The following TMEM132C variants were observed in gnomAD, a reference collection of about 807,000 sequenced individuals.
TMEM132C encodes the protein transmembrane protein 132C.
A neutral mutation model predicts 61.4 loss-of-function variants in TMEM132C; 29 were observed. The observed-to-expected ratio is 0.47, with a 90% CI of 0.35 to 0.64. TMEM132C has a LOEUF of 0.64. Among genes scored for constraint, TMEM132C ranks in the 30% least tolerant of loss-of-function variants. The pLI is 0.00. For synonymous variants in TMEM132C, 656 were observed against 633.1 expected (o/e 1.04, Z -0.54); for missense variants, 1,408 against 1,476.9 (o/e 0.95, Z 0.76).
intron 1 of TMEM132C, among the ~76,000 whole-genome samples, chr12:128,398,783 C>G (rs913622554): frequency 1.4e-4 from 21 of 151,994 alleles, no homozygotes; most frequent in African/African-American, 5.1e-4. Context: ...AGCACCCGGA[C>G]CAACAGGGTG....
chr12:128,351,917 T>C (rs1873348169), intron 1 of TMEM132C, among the ~76,000 whole-genome samples: 1 of 152,170 alleles, frequency 6.6e-6, no homozygotes, highest in South Asian at 2.1e-4. Context: ...TTATAAGGAA[T>C]TGGCTCATGC....
Position 128,358,313 on chromosome 12 carries a change from C to T in TMEM132C, c.86-56419C>T, listed in dbSNP as rs74438109. Among the ~76,000 whole-genome samples, 809 of 152,276 alleles carry T rather than the reference C, an allele frequency of 5.3e-3. 8 individuals are homozygous for T. The highest frequency in any genetic ancestry group is 0.019 in the African/African-American group (771 of 41,546). On this transcript the variant is annotated intron_variant, in intron 1 of 8. Coordinates refer to ENST00000435159, the MANE Select transcript of TMEM132C (RefSeq NM_001136103.3). Reference sequence around the variant, plus strand: ...TTTAAATCTTTAATACCTGCTTATCCTGCTCAAAAATTGGTAAGAACCCAC... The same window carrying T: ...TTTAAATCTTTAATACCTGCTTATCTTGCTCAAAAATTGGTAAGAACCCAC...
chr12:128,335,398 A>G (rs1440964867), intron 1 of TMEM132C, among the ~76,000 whole-genome samples: 9 of 152,210 alleles, frequency 5.9e-5, no homozygotes, highest in Non-Finnish European at 1.3e-4. Context: ...AATGTTTTAC[A>G]TATTGGCATT....
chr12:128,350,248 G>A lies in TMEM132C; in HGVS notation c.86-64484G>A, dbSNP rs529536690. On this transcript the variant is annotated intron_variant, in intron 1 of 8. Coordinates refer to ENST00000435159, the MANE Select transcript of TMEM132C (RefSeq NM_001136103.3). The stretch of plus-strand genomic sequence containing the variant: ...GGGCTGAGGGTACAAGAGAGGGGTA[G>A]CCAGAAATCCCTGCTGCTTTTGCGT... Among the ~76,000 whole-genome samples the A allele has an allele frequency of 7.2e-5, 11 of 152,242 alleles. No homozygotes were observed. In the South Asian group the frequency reaches 1.9e-3, roughly 26 times the overall value.
intron 1 of TMEM132C, among the ~76,000 whole-genome samples, chr12:128,307,322 T>C (rs1240230505): frequency 6.6e-6 from 1 of 151,816 alleles, no homozygotes; most frequent in Non-Finnish European, 1.5e-5. Flanking sequence ...TATACAAATA[T>C]CTCAACTGGA....
At chr12:128,573,177 C>A (rs1172774632) in intron 3 of TMEM132C, among the ~76,000 whole-genome samples, 5 of 152,128 alleles carry the variant, frequency 3.3e-5, no homozygotes, top group African/African-American at 1.2e-4. Flanking sequence ...GCACTACTCA[C>A]AATAGCAAAG....
intron 1 of TMEM132C, among the ~76,000 whole-genome samples, chr12:128,378,721 G>T (rs1874302673): frequency 6.6e-6 from 1 of 152,124 alleles, no homozygotes; most frequent in South Asian, 2.1e-4. Context: ...GCTCTCCTCT[G>T]CTCGGGACAG....
rs1173166978 is a variant in TMEM132C, at chr12:128,524,168, TAGAA to T, written c.975-19786_975-19783del. On this transcript the variant is annotated intron_variant, in intron 2 of 8. Coordinates refer to ENST00000435159, the MANE Select transcript of TMEM132C (RefSeq NM_001136103.3). Reference sequence around the variant, plus strand: ...TTGGCTTAAGGTGGGATTCTGTTATTAGAAAGGAAGAGAGCTATTGTAGAGTCCA... The same window carrying T: ...TTGGCTTAAGGTGGGATTCTGTTATTAGGAAGAGAGCTATTGTAGAGTCCA... Among the ~76,000 whole-genome samples, 6 of 152,288 alleles carry T rather than the reference TAGAA, an allele frequency of 3.9e-5. 1 individual carries two copies. In the East Asian group the frequency reaches 1.2e-3, roughly 29 times the overall value.
At position 128,503,912 on chromosome 12, in the gene TMEM132C, A is replaced by C. The variant is rs142213731; in HGVS notation, c.975-40045A>C. 1.1e-3 allele frequency among the ~76,000 whole-genome samples: 175 copies of C among 152,316 alleles called. 2 individuals carry two copies. Among genetic ancestry groups the C allele is most frequent in the Middle Eastern group, 6.8e-3 (2 of 294 alleles). On this transcript the variant is annotated intron_variant, in intron 2 of 8. Coordinates refer to ENST00000435159, the MANE Select transcript of TMEM132C (RefSeq NM_001136103.3). ...TTATTGTCTCTCATGGTTTATGGGG[A>C]TCAAGAACTTGGGAAGGGCTTTGCC...
intron 1 of TMEM132C, among the ~76,000 whole-genome samples, chr12:128,357,143 T>C (rs1873532058): frequency 6.6e-6 from 1 of 152,164 alleles, no homozygotes; most frequent in African/African-American, 2.4e-5. Context: ...AATTTGAATA[T>C]ATTTAAATGA....
rs937909972 is a variant in TMEM132C at position 128,630,038 on chromosome 12, T to A, written c.1305+13703T>A. Among the ~76,000 whole-genome samples the A allele has an allele frequency of 1.1e-4, 16 of 151,906 alleles. No homozygotes were observed. The South Asian group carries it at 3.3e-3, about 32-fold the overall frequency. ...GTTCTTACCATAATAAAATAAATTTTAAAAATTCAAATGCAAGCTGTGGGC... is the reference window on the plus strand; with the variant it reads ...GTTCTTACCATAATAAAATAAATTTAAAAAATTCAAATGCAAGCTGTGGGC... On this transcript the variant is annotated intron_variant, in intron 4 of 8. Transcript: ENST00000435159. The surrounding 1 kb of genome is among the most constrained non-coding windows in gnomAD (Gnocchi z 4.3).
chr12:128,596,795 G>T (rs1205838334), intron 3 of TMEM132C, among the ~76,000 whole-genome samples: 1 of 149,684 alleles, frequency 6.7e-6, no homozygotes, highest in East Asian at 1.9e-4. Flanking sequence ...AGCCCCAGCA[G>T]ACTGAAACCC....
At chr12:128,423,687 T>C (rs1159570290) in intron 2 of TMEM132C, among the ~76,000 whole-genome samples, 1 of 146,184 alleles carries the variant, frequency 6.8e-6, no homozygotes, top group South Asian at 2.2e-4. Flanking sequence ...CTGGGCAACA[T>C]AGCGAGACCC....
chr12:128,363,099 AT>A (rs1873755885), intron 1 of TMEM132C, among the ~76,000 whole-genome samples: 1 of 152,218 alleles, frequency 6.6e-6, no homozygotes, highest in African/African-American at 2.4e-5. Context: ...AAATAGATTG[AT>A]TTACTGACAG....
chr12:128,333,905 A>G (rs1371342493), intron 1 of TMEM132C, among the ~76,000 whole-genome samples: 2 of 146,164 alleles, frequency 1.4e-5, no homozygotes, highest in Non-Finnish European at 3.0e-5. Flanking sequence ...TGTGTGTTGT[A>G]TGTGTGAGAG....
At chr12:128,387,231 G>A (rs900471076) in intron 1 of TMEM132C, among the ~76,000 whole-genome samples, 8 of 152,116 alleles carry the variant, frequency 5.3e-5, no homozygotes, top group South Asian at 4.2e-4. Context: ...GCCCCAATTC[G>A]GGAACCCGCA....
chr12:128,465,393 T>G (rs541562032), intron 2 of TMEM132C, among the ~76,000 whole-genome samples: 1 of 151,754 alleles, frequency 6.6e-6, no homozygotes, highest in African/African-American at 2.4e-5. Flanking sequence ...AGAGACGGGG[T>G]TTTTGCCATG....
chr12:128,330,793 G>A (rs1241855379), intron 1 of TMEM132C, among the ~76,000 whole-genome samples: 3 of 152,112 alleles, frequency 2.0e-5, no homozygotes, highest in East Asian at 1.9e-4. Context: ...TGAGTTTTCA[G>A]TTAGGAAGGT....
At chr12:128,515,684 A>G (rs986149715) in intron 2 of TMEM132C, among the ~76,000 whole-genome samples, 3 of 152,112 alleles carry the variant, frequency 2.0e-5, no homozygotes, top group African/African-American at 7.2e-5. Context: ...ATACAAAAAA[A>G]ATTAGCTGGG....
Sources: gnomAD v4.1 joint callset for allele counts (sites outside exome capture counted in the v4.1 genomes callset) on GRCh38, gnomAD v4.1.1 for gene constraint, Gnocchi (gnomAD v3.1) non-coding constraint, MANE v1.5 for transcripts, NCBI Gene and HGNC (gene_info 2026-07-23, HGNC 2026-07-21) for gene names.